The following CTNND2 variants were observed in gnomAD, a reference collection of about 807,000 sequenced individuals.
CTNND2 encodes catenin delta 2, also known as catenin delta-2.
Under a neutral mutation model 144.4 loss-of-function variants are expected in CTNND2, and 22 were observed. The ratio of observed to expected loss-of-function variants is 0.15; its 90% CI spans 0.11 to 0.22. CTNND2 has a LOEUF of 0.22. CTNND2 is among the 10% of genes least tolerant of loss of function. The pLI, the probability that CTNND2 is intolerant of heterozygous loss-of-function variation, is 1.00. For missense variants in CTNND2, 1,353 were observed against 1,618.8 expected, an observed-to-expected ratio of 0.84 and a Z score of 2.82; for synonymous variants, 751 against 695.6, an observed-to-expected ratio of 1.08 and a Z score of -1.25.
chr5:11,205,865 A>G (rs935847959), intron 10 of CTNND2, among the ~76,000 whole-genome samples: 1 of 152,200 alleles, frequency 6.6e-6, no homozygotes, highest in Admixed American at 6.5e-5. Flanking sequence ...AGCACATTGC[A>G]GTGACTGGAG....
intron 1 of CTNND2, among the ~76,000 whole-genome samples, chr5:11,792,210 G>T (rs1396545828): frequency 6.6e-6 from 1 of 152,066 alleles, no homozygotes; most frequent in African/African-American, 2.4e-5. Flanking sequence ...AGGAAGAACT[G>T]ATAATAATTA....
chr5:11,645,873 A>T (rs532977801), intron 2 of CTNND2, among the ~76,000 whole-genome samples: 1 of 152,318 alleles, frequency 6.6e-6, no homozygotes, highest in African/African-American at 2.4e-5. Context: ...TTATGAAAAT[A>T]ATGTTCAACT....
intron 7 of CTNND2, among the ~76,000 whole-genome samples, chr5:11,373,972 G>C (rs992798284): frequency 6.6e-6 from 1 of 152,132 alleles, no homozygotes; most frequent in Admixed American, 6.5e-5. Context: ...ACAGGTTGTG[G>C]CCAGGCAGAG....
intron 9 of CTNND2, among the ~76,000 whole-genome samples, chr5:11,288,141 T>C (rs1049743905): frequency 5.9e-5 from 9 of 152,180 alleles, no homozygotes; most frequent in South Asian, 2.1e-4. Context: ...TGTTTTTGCA[T>C]AAAACATGCC....
chr5:11,077,039 T>A (rs970107308), intron 16 of CTNND2, among the ~76,000 whole-genome samples: 9 of 152,218 alleles, frequency 5.9e-5, no homozygotes, highest in Non-Finnish European at 1.2e-4. Context: ...TTTAAGTTAA[T>A]GTTTTATTTA....
At position 11,518,838 on chromosome 5, in the gene CTNND2, G is replaced by A. The variant is rs563282051; in HGVS notation, c.287+46106C>T. Among the ~76,000 whole-genome samples, 10 of 152,210 alleles carry A rather than the reference G, an allele frequency of 6.6e-5. No individual in the cohort carries two copies. In the East Asian group the frequency reaches 1.7e-3, roughly 26 times the overall value. On this transcript the variant is annotated intron_variant, in intron 3 of 21. Coordinates refer to ENST00000304623, the MANE Select transcript of CTNND2 (RefSeq NM_001332.4). ...CTAGGTCTGTGTAGGTACACTCTAC[G>A]ATGTTCACACAATGACAGAATTGCC...
intron 10 of CTNND2, among the ~76,000 whole-genome samples, chr5:11,218,330 G>A (rs970707318): frequency 7.2e-5 from 11 of 151,986 alleles, no homozygotes; most frequent in East Asian, 1.9e-4. Context: ...TCTTGTCATC[G>A]GAGTCATGCT....
chr5:11,727,530 A>G (rs1190456165), intron 2 of CTNND2, among the ~76,000 whole-genome samples: 1 of 151,536 alleles, frequency 6.6e-6, no homozygotes, highest in Admixed American at 6.6e-5. Context: ...TTTTTTTTTC[A>G]TTTCTAATCC....
chr5:11,287,390 C>A (rs447587), intron 9 of CTNND2, among the ~76,000 whole-genome samples: 31,162 of 152,110 alleles, frequency 0.2, 3,329 homozygotes, highest in Middle Eastern at 0.32. Context: ...ACCTACCCTG[C>A]AGATTTTGGA....
At chr5:11,466,853 TCTATGTGATGGTCAG>T (rs1168051497) in intron 3 of CTNND2, among the ~76,000 whole-genome samples, 1 of 152,232 alleles carries the variant, frequency 6.6e-6, no homozygotes, top group African/African-American at 2.4e-5. Context: ...AAAACGATGT[TCTATGTGATGGTCAG>T]CTTCCCACAC....
At chr5:11,818,035 A>C (rs1793102021) in intron 1 of CTNND2, among the ~76,000 whole-genome samples, 1 of 121,416 alleles carries the variant, frequency 8.2e-6, no homozygotes, top group African/African-American at 3.1e-5. Context: ...TCAAAGCCGC[A>C]CATTATATTT....
intron 15 of CTNND2, among the ~76,000 whole-genome samples, chr5:11,094,173 G>A (rs183059360): frequency 2.6e-4 from 39 of 152,244 alleles, no homozygotes; most frequent in African/African-American, 7.7e-4. Flanking sequence ...GGGAAGCAGC[G>A]CTTCTCATAA....
chr5:11,357,935 T>G (rs1037713739), intron 8 of CTNND2, among the ~76,000 whole-genome samples: 5 of 152,158 alleles, frequency 3.3e-5, no homozygotes, highest in African/African-American at 4.8e-5. Context: ...TCTGCTAATG[T>G]GTAATTATGG....
At chr5:11,446,864 C>G (rs1208337311) in intron 3 of CTNND2, among the ~76,000 whole-genome samples, 1 of 152,080 alleles carries the variant, frequency 6.6e-6, no homozygotes, top group Admixed American at 6.6e-5. Flanking sequence ...GGTCACAGCA[C>G]TAGGAGCAGG....
chr5:11,079,625 C>T (rs894513690), intron 16 of CTNND2, among the ~76,000 whole-genome samples: 3 of 152,332 alleles, frequency 2.0e-5, no homozygotes, highest in African/African-American at 7.2e-5. Flanking sequence ...CACTGGCCTG[C>T]TCCCAGTTCC....
At chr5:11,610,462 G>A (rs987709201) in intron 2 of CTNND2, among the ~76,000 whole-genome samples, 1 of 152,134 alleles carries the variant, frequency 6.6e-6, no homozygotes, top group Non-Finnish European at 1.5e-5. Flanking sequence ...GAGAAATTGA[G>A]GCCTAGAGAA....
At position 11,159,275 on chromosome 5, in the gene CTNND2, T is replaced by C. The variant is rs550721216; in HGVS notation, c.2159+301A>G. 3.3e-5 allele frequency among the ~76,000 whole-genome samples: 5 copies of C among 152,330 alleles called. No homozygotes were observed. In the South Asian group the frequency reaches 8.3e-4, roughly 25 times the overall value. On this transcript the variant is annotated intron_variant, in intron 12 of 21. Coordinates refer to ENST00000304623, the MANE Select transcript of CTNND2 (RefSeq NM_001332.4). ...TATAATGTGAAATTACCAAGAACTA[T>C]TGTTTTCGGCCAAAGAAAATGACTT... is the stretch of plus-strand genomic sequence containing the variant.
At chr5:11,376,395 C>A (rs1383923597) in intron 7 of CTNND2, among the ~76,000 whole-genome samples, 1 of 148,190 alleles carries the variant, frequency 6.7e-6, no homozygotes, top group Non-Finnish European at 1.5e-5. Flanking sequence ...CTTTCTACAT[C>A]AATTTTCTAT....
At chr5:11,194,802 C>A (rs1736686988) in intron 11 of CTNND2, among the ~76,000 whole-genome samples, 1 of 152,060 alleles carries the variant, frequency 6.6e-6, no homozygotes, top group Non-Finnish European at 1.5e-5. Flanking sequence ...TCAAAAATAT[C>A]TTACATTCAT....
Sources: gnomAD v4.1 joint callset for allele counts (sites outside exome capture counted in the v4.1 genomes callset) on GRCh38, gnomAD v4.1.1 for gene constraint, MANE v1.5 for transcripts, NCBI Gene and HGNC (gene_info 2026-07-23, HGNC 2026-07-21) for gene names.